REEP1: variants seen among roughly 807,000 people sequenced by gnomAD.
REEP1 encodes the protein receptor expression-enhancing protein 1.
REEP1 carries 22 observed loss-of-function variants against 40.3 expected under a neutral mutation model. The observed-to-expected ratio is 0.55, with a 90% confidence interval of 0.39 to 0.78. The LOEUF (loss-of-function observed/expected upper bound fraction) is 0.78, where lower values mean the gene tolerates loss of function less well. Among genes scored for constraint, REEP1 ranks in the 30% least tolerant of loss-of-function variants. The probability of loss-of-function intolerance (pLI) is 0.00; values close to 1 mark genes in which losing one functional copy is unlikely to be tolerated. For missense variants in REEP1, 280 were observed against 361.1 expected (o/e 0.78, Z 1.82); for synonymous variants, 116 against 139.2 (o/e 0.83, Z 1.17).
intron 1 of REEP1, among the ~76,000 whole-genome samples, chr2:86,315,421 G>C (rs956778713): frequency 1.3e-5 from 2 of 152,224 alleles, no homozygotes; most frequent in African/African-American, 4.8e-5. Flanking sequence ...CTGGGGAAGA[G>C]ACAAGTAATG....
At chr2:86,218,385 T>C (rs899613144) in intron 8 of REEP1, among the ~76,000 whole-genome samples, 26 of 152,180 alleles carry the variant, frequency 1.7e-4, no homozygotes, top group African/African-American at 5.5e-4. Flanking sequence ...GGCTCAGTGC[T>C]GGGCAGGCAC....
At chr2:86,309,257 A>C (rs918052565) in intron 1 of REEP1, among the ~76,000 whole-genome samples, 8 of 152,080 alleles carry the variant, frequency 5.3e-5, no homozygotes, top group Admixed American at 5.2e-4. Flanking sequence ...GTAAGTAATA[A>C]ATGTCTTCTC....
At chr2:86,320,494 C>T (rs1413006877) in intron 1 of REEP1, among the ~76,000 whole-genome samples, 1 of 152,134 alleles carries the variant, frequency 6.6e-6, no homozygotes, top group Non-Finnish European at 1.5e-5. Context: ...ACATAACGCA[C>T]CTTGATTGGG....
chr2:86,300,192 T>C (rs1679192660), intron 1 of REEP1, among the ~76,000 whole-genome samples: 1 of 152,210 alleles, frequency 6.6e-6, no homozygotes. Flanking sequence ...TGACTTAAAA[T>C]TTGTTACCTG....
chr2:86,300,907 A>G (rs78196692), intron 1 of REEP1, among the ~76,000 whole-genome samples: 12,035 of 152,064 alleles, frequency 0.079, 778 homozygotes, highest in African/African-American at 0.17. Context: ...TCTGATGAAA[A>G]ATCATGCATC....
In REEP1 at chr2:86,337,486, G is replaced by T. The variant is rs1681105721; in HGVS notation, c.25C>A (p.Leu9Met). Residue 9 changes from leucine to methionine, a missense_variant, in exon 1 of 9, where the codon CTG becomes ATG. Around this residue, in one of 3 missense-constraint regions of REEP1, gnomAD observed 68 missense variants for 83.7 expected, o/e 0.81. Coordinates refer to ENST00000538924, the MANE Select transcript of REEP1 (RefSeq NM_001371279.1). The surrounding 1 kb of genome is among the most constrained non-coding windows in gnomAD (Gnocchi z 5.8). ...GGGGAGAAGGCCACTTACACCACCA[G>T]CCTGGAGATGATCCATGACACCATG... is the stretch of plus-strand genomic sequence containing the variant. MVSWIISR[L>M]VVLIFGTLYP... The T allele has an allele frequency of 1.5e-6, 2 of 1,301,606 alleles. No homozygotes were observed. The highest frequency in any genetic ancestry group is 2.0e-6 in the Non-Finnish European group (2 of 1,017,314). The allele number at this position is 1,301,606 out of a possible 1,614,324, so 80.6% of individuals were successfully genotyped here. A position where few individuals can be genotyped will look rare whatever the true frequency, so the allele number is the denominator to read the frequency against.
chr2:86,307,227 A>G (rs888804915), intron 1 of REEP1, among the ~76,000 whole-genome samples: 7 of 151,782 alleles, frequency 4.6e-5, no homozygotes, highest in Non-Finnish European at 8.8e-5. Flanking sequence ...AGTCACACCT[A>G]TTTATCCATG....
At position 86,233,142 on chromosome 2, in the gene REEP1, C is replaced by T. The variant is rs192064785; in HGVS notation, c.418-340G>A. On this transcript the variant is annotated intron_variant, in intron 5 of 8. Coordinates refer to ENST00000538924, the MANE Select transcript of REEP1 (RefSeq NM_001371279.1). ...CTACTGCCTGCAGCTCCTACTCCTT[C>T]CAGGCCACCTGCTGCTTCTCTTGCT... Among the ~76,000 whole-genome samples the T allele has an allele frequency of 2.3e-3, 343 of 152,332 alleles. 3 individuals carry two copies. Among genetic ancestry groups the T allele is most frequent in the African/African-American group, 7.9e-3 (330 of 41,584 alleles).
intron 1 of REEP1, among the ~76,000 whole-genome samples, chr2:86,293,009 G>C (rs923783948): frequency 1.3e-5 from 2 of 152,234 alleles, no homozygotes; most frequent in Non-Finnish European, 2.9e-5. Flanking sequence ...CAGAAGTCAG[G>C]TGAGGCAACT....
intron 1 of REEP1, among the ~76,000 whole-genome samples, chr2:86,317,462 A>G (rs557567439): frequency 1.2e-4 from 18 of 152,178 alleles, no homozygotes; most frequent in Non-Finnish European, 2.6e-4. Flanking sequence ...GGGGATCCCT[A>G]AAACCCCTTC....
At chr2:86,295,610 C>T (rs1678939077) in intron 1 of REEP1, among the ~76,000 whole-genome samples, 1 of 152,260 alleles carries the variant, frequency 6.6e-6, no homozygotes. Context: ...CTGCAAGCTC[C>T]GCCTCTGCAA....
chr2:86,238,073 C>G (rs762912697), intron 5 of REEP1, among the ~76,000 whole-genome samples: 1 of 152,096 alleles, frequency 6.6e-6, no homozygotes, highest in African/African-American at 2.4e-5. Context: ...CCCAGCTACT[C>G]TGGAGGCTGA....
At chr2:86,330,990 G>C (rs575920054) in intron 1 of REEP1, among the ~76,000 whole-genome samples, 1 of 152,064 alleles carries the variant, frequency 6.6e-6, no homozygotes. Flanking sequence ...CTAGGATATC[G>C]GACAGTTCAT....
At chr2:86,296,158 G>A (rs1366671913) in intron 1 of REEP1, among the ~76,000 whole-genome samples, 1 of 152,188 alleles carries the variant, frequency 6.6e-6, no homozygotes, top group African/African-American at 2.4e-5. Context: ...AGACTAAAAA[G>A]GAAAGCTTCA....
intron 2 of REEP1, 129 bp from the exon 3 acceptor site, chr2:86,264,170 T>A (rs533615129): frequency 1.4e-5 from 10 of 735,634 alleles, no homozygotes; most frequent in East Asian, 1.3e-4. Context: ...ATTTGTAGCC[T>A]TCTCCCTATC....
chr2:86,334,291 C>T lies in REEP1; in HGVS notation c.32+3188G>A, dbSNP rs187593877. Among the ~76,000 whole-genome samples, 5 of 152,298 alleles carry T rather than the reference C, an allele frequency of 3.3e-5. No homozygotes were observed. The South Asian group carries it at 6.2e-4, about 19-fold the overall frequency. ...TTGGGACCACACAAAGACAGGAAGA[C>T]ACTCCCTCTCTATCCTCACAACACA... On this transcript the variant is annotated intron_variant, in intron 1 of 8. Coordinates refer to ENST00000538924, the MANE Select transcript of REEP1 (RefSeq NM_001371279.1).
At chr2:86,243,258 C>T (rs138360367) in intron 5 of REEP1, among the ~76,000 whole-genome samples, 6 of 152,218 alleles carry the variant, frequency 3.9e-5, no homozygotes, top group East Asian at 3.9e-4. Flanking sequence ...AAGAGGAGAA[C>T]GAGGAGGTGC....
chr2:86,227,251 C>T lies in REEP1; in HGVS notation c.631+112G>A. 4.7e-6 allele frequency: 4 copies of T among 842,846 alleles called. No individual in the cohort carries two copies. The South Asian group carries it at 2.4e-4, about 51-fold the overall frequency. The allele number at this position is 842,846 out of a possible 1,614,324, so 52.2% of individuals were successfully genotyped here. On this transcript the variant is annotated intron_variant, in intron 7 of 8. Coordinates refer to ENST00000538924, the MANE Select transcript of REEP1 (RefSeq NM_001371279.1). Reference sequence around the variant, plus strand: ...TAAAGGGTTAACCTCCTGACCCCTCCCTATGACCATGCAGCTGAAAGGGAG... The same window carrying T: ...TAAAGGGTTAACCTCCTGACCCCTCTCTATGACCATGCAGCTGAAAGGGAG...
At chr2:86,263,493 C>T (rs1325752898) in intron 3 of REEP1, among the ~76,000 whole-genome samples, 1 of 152,136 alleles carries the variant, frequency 6.6e-6, no homozygotes, top group Non-Finnish European at 1.5e-5. Context: ...CCCACCTCGG[C>T]CTCCCAAAGT....
Sources: gnomAD v4.1 joint callset for allele counts (sites outside exome capture counted in the v4.1 genomes callset) on GRCh38, gnomAD v4.1.1 for gene constraint, gnomAD v4.1.1 regional missense constraint, Gnocchi (gnomAD v3.1) non-coding constraint, MANE v1.5 for transcripts, NCBI Gene and HGNC (gene_info 2026-07-23, HGNC 2026-07-21) for gene names.